C12orf42: variants seen among roughly 807,000 people sequenced by gnomAD.
C12orf42 encodes chromosome 12 open reading frame 42.
A neutral mutation model predicts 21.6 loss-of-function variants in C12orf42; 25 were observed. The observed-to-expected ratio is 1.16, with a 90% CI of 0.84 to 1.62. The LOEUF is 1.62. C12orf42 is among the 40% of genes most tolerant of loss of function. The pLI, the probability that C12orf42 is intolerant of heterozygous loss-of-function variation, is 0.00. For synonymous variants in C12orf42, 174 were observed against 175.0 expected (o/e 0.99, Z 0.05); for missense variants, 483 against 459.3 (o/e 1.05, Z -0.47).
the C12orf42 span, among the ~76,000 whole-genome samples, chr12:103,506,872 T>TATATA: frequency 3.5e-5 from 2 of 57,398 alleles, no homozygotes; most frequent in East Asian, 1.3e-3. Flanking sequence ...ATATATATAT[T>TATATA]TATATATTAT....
chr12:103,426,729 A>C (rs1380682979), intron 2 of C12orf42, among the ~76,000 whole-genome samples: 3 of 152,266 alleles, frequency 2.0e-5, no homozygotes, highest in African/African-American at 7.2e-5. Flanking sequence ...TTACCAACAA[A>C]GGGAAGTCCA....
chr12:103,425,392 G>A (rs1265449002), intron 2 of C12orf42, among the ~76,000 whole-genome samples: 1 of 152,166 alleles, frequency 6.6e-6, no homozygotes, highest in African/African-American at 2.4e-5. Context: ...TCCTGACTGT[G>A]AGATACCTCC....
chr12:103,128,446 G>A, the C12orf42 span, among the ~76,000 whole-genome samples: 1 of 152,170 alleles, frequency 6.6e-6, no homozygotes, highest in Non-Finnish European at 1.5e-5. Context: ...AGAGAAGTGG[G>A]TTTAAAGTTT....
chr12:103,065,318 G>A, the C12orf42 span, among the ~76,000 whole-genome samples: 48 of 152,328 alleles, frequency 3.2e-4, 1 homozygote, highest in South Asian at 9.7e-3. Flanking sequence ...TTCATTGCTT[G>A]AGCAAATTAA....
the C12orf42 span, among the ~76,000 whole-genome samples, chr12:103,071,849 T>C: frequency 6.6e-6 from 1 of 152,116 alleles, no homozygotes; most frequent in African/African-American, 2.4e-5. Context: ...CAACCTGTGG[T>C]TTCCACCCAG....
At chr12:103,337,540 G>C (rs568561917) in intron 4 of C12orf42, among the ~76,000 whole-genome samples, 1 of 152,262 alleles carries the variant, frequency 6.6e-6, no homozygotes, top group South Asian at 2.1e-4. Flanking sequence ...TTTTAGTAGA[G>C]ACGGGGTTTC....
chr12:103,145,114 T>C, the C12orf42 span, among the ~76,000 whole-genome samples: 1 of 152,198 alleles, frequency 6.6e-6, no homozygotes, highest in Non-Finnish European at 1.5e-5. Flanking sequence ...AGGGTTAGTA[T>C]TGAATATTGG....
chr12:103,536,810 T>C, the C12orf42 span, among the ~76,000 whole-genome samples: 612 of 152,310 alleles, frequency 4.0e-3, 5 homozygotes, highest in African/African-American at 0.014. Flanking sequence ...TCCATCCCAA[T>C]AAATGCCACC....
At chr12:103,087,059 GCTTT>G in the C12orf42 span, among the ~76,000 whole-genome samples, 2 of 151,986 alleles carry the variant, frequency 1.3e-5, no homozygotes, top group South Asian at 2.1e-4. Context: ...CTATATTTCT[GCTTT>G]CTTTTTTTCT....
In C12orf42 at chr12:103,384,947, G is replaced by A. The variant is rs143199677; in HGVS notation, c.148-15949C>T. On this transcript the variant is annotated intron_variant, in intron 3 of 5. Transcript: ENST00000548883. Reference sequence around the variant, plus strand: ...TGAGCAAATCATGCAAATCATGGTCGTCTGTAGCCTCAGTCTTCTCATCTG... The same window carrying A: ...TGAGCAAATCATGCAAATCATGGTCATCTGTAGCCTCAGTCTTCTCATCTG... 1.8e-3 allele frequency among the ~76,000 whole-genome samples: 275 copies of A among 152,288 alleles called. 1 individual carries two copies. The highest frequency in any genetic ancestry group is 6.3e-3 in the African/African-American group (261 of 41,552).
chr12:103,250,128 T>G (rs559337535), intron 10 of C12orf42, among the ~76,000 whole-genome samples: 1 of 152,024 alleles, frequency 6.6e-6, no homozygotes, highest in Non-Finnish European at 1.5e-5. Context: ...TAAAGAAGTA[T>G]AGTATGTTTT....
At chr12:103,172,946 A>G in the C12orf42 span, among the ~76,000 whole-genome samples, 2 of 152,124 alleles carry the variant, frequency 1.3e-5, no homozygotes, top group Non-Finnish European at 2.9e-5. Flanking sequence ...ATATTGCCCA[A>G]TAATTTACCT....
At chr12:103,118,431 A>G in the C12orf42 span, among the ~76,000 whole-genome samples, 2 of 152,212 alleles carry the variant, frequency 1.3e-5, no homozygotes, top group Admixed American at 1.3e-4. Flanking sequence ...TAGCCATCAG[A>G]GATGGTCCAA....
At chr12:103,419,667 C>T (rs953496484) in intron 2 of C12orf42, among the ~76,000 whole-genome samples, 1 of 152,170 alleles carries the variant, frequency 6.6e-6, no homozygotes, top group African/African-American at 2.4e-5. Flanking sequence ...TCCTTCAGAT[C>T]TATTTGTGTC....
chr12:103,324,141 G>A (rs1219570955), intron 4 of C12orf42, among the ~76,000 whole-genome samples: 1 of 152,068 alleles, frequency 6.6e-6, no homozygotes, highest in Non-Finnish European at 1.5e-5. Flanking sequence ...GCACTTTTAG[G>A]AGATGTCATT....
chr12:103,135,669 G>A, the C12orf42 span, among the ~76,000 whole-genome samples: 1 of 152,068 alleles, frequency 6.6e-6, no homozygotes, highest in Non-Finnish European at 1.5e-5. Context: ...CAAAATACTA[G>A]CAAACTGAAT....
intron 2 of C12orf42, among the ~76,000 whole-genome samples, chr12:103,448,646 A>G (rs575509013): frequency 6.6e-6 from 1 of 152,158 alleles, no homozygotes; most frequent in South Asian, 2.1e-4. Context: ...ACAGTTCTCA[A>G]AAGAAGATAT....
At chr12:103,130,524 C>T in the C12orf42 span, among the ~76,000 whole-genome samples, 2 of 151,906 alleles carry the variant, frequency 1.3e-5, no homozygotes, top group African/African-American at 4.8e-5. Context: ...TGTCACTGTC[C>T]CAGGTTGGTT....
At chr12:103,147,650 C>CTTTTTTTT in the C12orf42 span, among the ~76,000 whole-genome samples, 48 of 117,738 alleles carry the variant, frequency 4.1e-4, no homozygotes, top group East Asian at 7.8e-4. Context: ...TTGTAATGTA[C>CTTTTTTTT]GACAGTAACT....
Sources: allele counts gnomAD v4.1 joint callset (sites outside exome capture counted in the v4.1 genomes callset), GRCh38; gene constraint gnomAD v4.1.1; transcripts MANE v1.5; gene names NCBI Gene and HGNC (gene_info 2026-07-23, HGNC 2026-07-21).